The following LINGO2 variants were observed in gnomAD, a reference collection of about 807,000 sequenced individuals.
The protein encoded by LINGO2 is leucine rich repeat and Ig domain containing 2.
Under a neutral mutation model 30.6 loss-of-function variants are expected in LINGO2, and 14 were observed. The ratio of observed to expected loss-of-function variants is 0.46; its 90% confidence interval spans 0.30 to 0.72. The LOEUF is 0.72. Ranked by LOEUF, LINGO2 falls within the 30% of genes least tolerant of loss-of-function variation. LINGO2 has a pLI of 0.07. For synonymous variants in LINGO2, 317 were observed against 288.5 expected, an observed-to-expected ratio of 1.10 and a Z score of -1.00; for missense variants, 729 against 751.7, an observed-to-expected ratio of 0.97 and a Z score of 0.35.
In LINGO2 at chr9:28,246,242, G is replaced by A. The variant is rs56054242; in HGVS notation, c.-87+48966C>T. ...AGTTCAAGACCAGCCTGACCAACAT[G>A]GTGAAACCCCATCTCTACTAAAAAT... On this transcript the variant is annotated intron_variant, in intron 4 of 5. Transcript: ENST00000379992. Among the ~76,000 whole-genome samples, 468 of 152,150 alleles carry A rather than the reference G, an allele frequency of 3.1e-3. 3 individuals are homozygous for A. The highest frequency in any genetic ancestry group is 9.9e-3 in the African/African-American group (409 of 41,514).
chr9:28,017,978 C>T (rs1822924674), intron 4 of LINGO2, among the ~76,000 whole-genome samples: 1 of 152,194 alleles, frequency 6.6e-6, no homozygotes, highest in South Asian at 2.1e-4. Context: ...ATAGAGTAAC[C>T]AAAACAGCAT....
chr9:28,120,838 G>A (rs1266101016), intron 4 of LINGO2, among the ~76,000 whole-genome samples: 1 of 152,030 alleles, frequency 6.6e-6, no homozygotes, highest in Non-Finnish European at 1.5e-5. Flanking sequence ...GAAGCTTTAC[G>A]TACCTTTTGT....
intron 2 of LINGO2, among the ~76,000 whole-genome samples, chr9:28,418,666 T>TA (rs1823066399): frequency 6.6e-6 from 1 of 152,066 alleles, no homozygotes; most frequent in Non-Finnish European, 1.5e-5. Flanking sequence ...AATGGCAAGA[T>TA]TAAAAGAGAC....
At chr9:27,968,854 C>T (rs890223044) in intron 5 of LINGO2, among the ~76,000 whole-genome samples, 4 of 151,526 alleles carry the variant, frequency 2.6e-5, no homozygotes, top group East Asian at 1.9e-4. Flanking sequence ...ACCTTTAAAA[C>T]ATTTATAATA....
chr9:28,769,549 T>A, the LINGO2 span, among the ~76,000 whole-genome samples: 1 of 118,288 alleles, frequency 8.5e-6, no homozygotes, highest in Admixed American at 9.3e-5. Context: ...TTTTTTTACC[T>A]GAATGTCCTC....
chr9:28,182,225 G>T (rs141132908), intron 4 of LINGO2, among the ~76,000 whole-genome samples: 2,441 of 152,112 alleles, frequency 0.016, 48 homozygotes, highest in African/African-American at 0.048. Flanking sequence ...AGGATCTCCT[G>T]TTCAATAAAT....
chr9:28,590,815 C>G, intron 1 of LINGO2, among the ~76,000 whole-genome samples: 1 of 152,070 alleles, frequency 6.6e-6, no homozygotes, highest in Non-Finnish European at 1.5e-5. Flanking sequence ...TGGGTATATA[C>G]CCAAAGGATT....
At chr9:28,705,992 T>C in the LINGO2 span, among the ~76,000 whole-genome samples, 1 of 152,044 alleles carries the variant, frequency 6.6e-6, no homozygotes, top group East Asian at 1.9e-4. Context: ...ACTTCCAAGC[T>C]CCTTACTTTT....
the LINGO2 span, among the ~76,000 whole-genome samples, chr9:28,861,243 T>G: frequency 1.1e-5 from 1 of 92,790 alleles, no homozygotes; most frequent in Non-Finnish European, 2.1e-5. Context: ...TAATATATAT[T>G]TTTTATACAA....
chr9:28,858,042 T>C, the LINGO2 span, among the ~76,000 whole-genome samples: 1 of 152,024 alleles, frequency 6.6e-6, no homozygotes, highest in Non-Finnish European at 1.5e-5. Context: ...CCAAACATTC[T>C]AATGTATCTT....
chr9:29,190,907 G>T, the LINGO2 span, among the ~76,000 whole-genome samples: 7 of 152,098 alleles, frequency 4.6e-5, no homozygotes, highest in Non-Finnish European at 8.8e-5. Context: ...TATTGGTCTT[G>T]GATAGACAGA....
chr9:28,888,030 C>T, the LINGO2 span, among the ~76,000 whole-genome samples: 6 of 152,040 alleles, frequency 3.9e-5, no homozygotes, highest in Admixed American at 3.3e-4. Flanking sequence ...TAGAAAAACA[C>T]TGAGAGGAAC....
chr9:28,296,148 C>T (rs1248090295), intron 3 of LINGO2, among the ~76,000 whole-genome samples: 1 of 152,100 alleles, frequency 6.6e-6, no homozygotes, highest in Non-Finnish European at 1.5e-5. Flanking sequence ...GGCATTTAAA[C>T]TTAATTAGCA....
At chr9:28,759,804 T>G in the LINGO2 span, among the ~76,000 whole-genome samples, 9 of 152,182 alleles carry the variant, frequency 5.9e-5, no homozygotes, top group African/African-American at 1.7e-4. Flanking sequence ...GTCATGGTTG[T>G]TCTCAGAGTG....
the LINGO2 span, among the ~76,000 whole-genome samples, chr9:29,123,056 G>C: frequency 5.9e-5 from 9 of 151,926 alleles, no homozygotes; most frequent in Admixed American, 6.6e-5. Context: ...TTCTCCATAA[G>C]CCACACTTTA....
the LINGO2 span, among the ~76,000 whole-genome samples, chr9:29,169,786 G>A: frequency 6.6e-6 from 1 of 152,090 alleles, no homozygotes; most frequent in Non-Finnish European, 1.5e-5. Context: ...CAGATCACGA[G>A]GTCAGGGATG....
chr9:28,235,883 T>G (rs749233992), intron 4 of LINGO2, among the ~76,000 whole-genome samples: 1 of 151,880 alleles, frequency 6.6e-6, no homozygotes, highest in African/African-American at 2.4e-5. Context: ...AAGGAGGAGA[T>G]AGAGAAAGAG....
intron 1 of LINGO2, among the ~76,000 whole-genome samples, chr9:28,561,566 A>C (rs1246825319): frequency 6.8e-6 from 1 of 146,176 alleles, no homozygotes; most frequent in Non-Finnish European, 1.5e-5. Context: ...TAATAGATTT[A>C]TATATAATAT....
intron 1 of LINGO2, among the ~76,000 whole-genome samples, chr9:28,635,039 C>T (rs902618818): frequency 1.3e-5 from 2 of 152,122 alleles, no homozygotes; most frequent in Non-Finnish European, 2.9e-5. Flanking sequence ...AAGAGCATGC[C>T]TCACAAAGGA....
Sources: gnomAD v4.1 joint callset for allele counts (sites outside exome capture counted in the v4.1 genomes callset) on GRCh38, gnomAD v4.1.1 for gene constraint, MANE v1.5 for transcripts, NCBI Gene and HGNC (gene_info 2026-07-23, HGNC 2026-07-21) for gene names.